The following ODF2 variants were observed in gnomAD, a reference collection of about 807,000 sequenced individuals.
The protein encoded by ODF2 is outer dense fiber protein 2.
Under a neutral mutation model 110.2 loss-of-function variants are expected in ODF2, and 47 were observed. That is an observed-to-expected ratio of 0.43 (90% CI 0.34 to 0.54). ODF2 has a LOEUF of 0.54. ODF2 is among the 20% of genes least tolerant of loss of function. The pLI is 0.03. For synonymous variants in ODF2, 352 were observed against 397.7 expected, an observed-to-expected ratio of 0.89 and a Z score of 1.37; for missense variants, 812 against 1,054.5, an observed-to-expected ratio of 0.77 and a Z score of 3.19.
chr9:128,469,466 T>C, intron 5 of ODF2, 113 bp downstream of exon 5: 1 of 1,131,968 alleles, frequency 8.8e-7, no homozygotes, highest in Non-Finnish European at 1.3e-6. Flanking sequence ...AGGCCTCCTC[T>C]GCAGGGTTGC....
chr9:128,456,134 CG>C, upstream of ODF2: 1 of 1,547,696 alleles, frequency 6.5e-7, no homozygotes, highest in Non-Finnish European at 8.7e-7. Flanking sequence ...GAGGCGGAAG[CG>C]GGGAGGAGCC....
At chr9:128,486,687 G>A (rs573620942) in intron 13 of ODF2, among the ~76,000 whole-genome samples, 1 of 152,194 alleles carries the variant, frequency 6.6e-6, no homozygotes, top group Admixed American at 6.5e-5. Flanking sequence ...AGAAGGGACT[G>A]GGGGTGGGGC....
chr9:128,466,409 G>T (rs1271433745), intron 4 of ODF2, among the ~76,000 whole-genome samples: 1 of 151,058 alleles, frequency 6.6e-6, no homozygotes, highest in African/African-American at 2.4e-5. Flanking sequence ...AGAGGTTGCA[G>T]TGAACCAAAG....
At chr9:128,455,423 G>A (rs886979589), upstream of ODF2, 8 of 394,992 alleles carry the variant, frequency 2.0e-5, no homozygotes, top group South Asian at 3.8e-5. Context: ...GCGTTGTGGC[G>A]GGCGCCAGTA....
intron 2 of ODF2, among the ~76,000 whole-genome samples, chr9:128,458,069 A>G (rs1835399877): frequency 6.6e-6 from 1 of 151,994 alleles, no homozygotes; most frequent in African/African-American, 2.4e-5. Context: ...AGTGTTTGTA[A>G]AGAGGGCAAG....
At chr9:128,486,055 T>C (rs1475200362) in intron 13 of ODF2, among the ~76,000 whole-genome samples, 2 of 152,140 alleles carry the variant, frequency 1.3e-5, no homozygotes, top group Non-Finnish European at 2.9e-5. Context: ...AAACATATAT[T>C]GAGCATCTAC....
chr9:128,473,814 A>T, intron 8 of ODF2, 73 bp downstream of exon 8: 2 of 1,445,980 alleles, frequency 1.4e-6, no homozygotes, highest in South Asian at 1.2e-5. Context: ...CCTTGTCTGT[A>T]AAAAGAAAAT....
At chr9:128,455,354 A>T (rs770027036), upstream of ODF2, 1 of 709,016 alleles carries the variant, frequency 1.4e-6, no homozygotes, top group Non-Finnish European at 2.2e-6. Context: ...GATGGAGACT[A>T]TCCTGCCCAA....
chr9:128,471,424 G>A lies in ODF2; in HGVS notation c.537G>A (p.Leu179=), dbSNP rs923760729. The change falls in exon 6 of 21, where the codon TTG becomes TTA. Residue 179 remains leucine (L), a synonymous_variant. Coordinates refer to ENST00000604420, the Ensembl canonical transcript of ODF2. ...AGACTGAGCACGAGAACACGGTGTT[G>A]AGGCACAACATCGAGCGCATGAAGG... The A allele has an allele frequency of 2.5e-6, 4 of 1,613,580 alleles. No homozygotes were observed. The Admixed American group carries it at 5.0e-5, about 20-fold the overall frequency.
chr9:128,499,285 A>ATATT (rs1271186570), intron 20 of ODF2, among the ~76,000 whole-genome samples, 159 bp downstream of exon 20: 1 of 152,000 alleles, frequency 6.6e-6, no homozygotes, highest in Non-Finnish European at 1.5e-5. Context: ...TCCTGGGTAG[A>ATATT]TATTTATTTA....
chr9:128,484,929 G>A, intron 12 of ODF2, 43 bp downstream of exon 12: 1 of 1,600,616 alleles, frequency 6.2e-7, no homozygotes, highest in South Asian at 1.1e-5. Flanking sequence ...GCCCTGAGGA[G>A]GGCTGGGTGA....
chr9:128,477,162 G>A (rs532808182), intron 8 of ODF2, among the ~76,000 whole-genome samples: 20 of 151,332 alleles, frequency 1.3e-4, no homozygotes, highest in Non-Finnish European at 2.5e-4. Flanking sequence ...AACCCAGGAG[G>A]GGGGAAGTTG....
chr9:128,467,942 G>A (rs1838720489), intron 4 of ODF2, among the ~76,000 whole-genome samples: 2 of 151,976 alleles, frequency 1.3e-5, no homozygotes, highest in South Asian at 2.1e-4. Context: ...TGATCCGCCC[G>A]CCTTGGCCTC....
chr9:128,461,662 G>T (rs372756661), intron 4 of ODF2, among the ~76,000 whole-genome samples: 1 of 152,008 alleles, frequency 6.6e-6, no homozygotes. Flanking sequence ...CAGGTGATCC[G>T]CCCGCCTCGG....
intron 20 of ODF2, among the ~76,000 whole-genome samples, chr9:128,499,580 C>G (rs1846222042): frequency 6.6e-6 from 1 of 151,948 alleles, no homozygotes; most frequent in Non-Finnish European, 1.5e-5. Context: ...CAGGTGTGAG[C>G]CACTGCACCC....
intron 18 of ODF2, among the ~76,000 whole-genome samples, chr9:128,496,505 C>T (rs1346833845): frequency 6.6e-6 from 1 of 152,220 alleles, no homozygotes; most frequent in African/African-American, 2.4e-5. Context: ...TCTTGCCAGT[C>T]ACCCTTCCCA....
At chr9:128,475,604 C>G (rs1841090173) in intron 8 of ODF2, among the ~76,000 whole-genome samples, 1 of 152,092 alleles carries the variant, frequency 6.6e-6, no homozygotes, top group South Asian at 2.1e-4. Context: ...CCCCCCAGTT[C>G]CATCTCTGGC....
chr9:128,490,224 G>GTA (rs1231036325), intron 14 of ODF2, among the ~76,000 whole-genome samples: 3 of 152,040 alleles, frequency 2.0e-5, no homozygotes, highest in Non-Finnish European at 4.4e-5. Context: ...TGGTGCATCT[G>GTA]TATAGTGTAT....
At chr9:128,473,420 A>G (rs1840515238) in intron 7 of ODF2, 190 bp from the exon 8 acceptor site, 1 of 659,084 alleles carries the variant, frequency 1.5e-6, no homozygotes, top group Non-Finnish European at 1.9e-6. Context: ...CTTTGCTCGG[A>G]GCAGACTTAG....
Sources: gnomAD v4.1 joint callset for allele counts (sites outside exome capture counted in the v4.1 genomes callset) on GRCh38, gnomAD v4.1.1 for gene constraint, MANE v1.5 for transcripts, NCBI Gene and HGNC (gene_info 2026-07-23, HGNC 2026-07-21) for gene names.